ATP8A2: variants seen among roughly 807,000 people sequenced by gnomAD.
The protein encoded by ATP8A2 is phospholipid-transporting ATPase IB.
Under a neutral mutation model 165.6 loss-of-function variants are expected in ATP8A2, and 100 were observed. The ratio of observed to expected loss-of-function variants is 0.60; its 90% CI spans 0.51 to 0.71. The LOEUF (loss-of-function observed/expected upper bound fraction) is 0.71. ATP8A2 is among the 30% of genes least tolerant of loss of function. The pLI, the probability that ATP8A2 is intolerant of heterozygous loss-of-function variation, is 0.00. For synonymous variants in ATP8A2, 543 were observed against 548.8 expected, an observed-to-expected ratio of 0.99 and a Z score of 0.15; for missense variants, 1,227 against 1,479.5, an observed-to-expected ratio of 0.83 and a Z score of 2.80.
At chr13:25,752,978 G>A (rs139603461) in intron 25 of ATP8A2, among the ~76,000 whole-genome samples, 101 of 152,224 alleles carry the variant, frequency 6.6e-4, no homozygotes, top group African/African-American at 2.3e-3. Context: ...TTATAAATAG[G>A]TCATCTCTCC....
chr13:25,642,877 G>A (rs1291130831), intron 24 of ATP8A2, among the ~76,000 whole-genome samples: 4 of 152,190 alleles, frequency 2.6e-5, no homozygotes, highest in Non-Finnish European at 4.4e-5. Context: ...GGAATACTAT[G>A]CAGCCATAAA....
At chr13:25,713,918 C>T (rs2043203397) in intron 25 of ATP8A2, among the ~76,000 whole-genome samples, 1 of 152,114 alleles carries the variant, frequency 6.6e-6, no homozygotes, top group African/African-American at 2.4e-5. Context: ...ATTACGTAGA[C>T]TGTACAGTTA....
In ATP8A2 at chr13:26,022,078, T is replaced by C. The variant is rs1957089451; in HGVS notation, c.*2093T>C. ...TCTCCCCAAGGTGCATAGAACATTT[T>C]TAAATATCAGAGTACCCAGCAAGAC... On this transcript the variant is annotated 3_prime_UTR_variant, in exon 37 of 37. Transcript: ENST00000381655. 6.6e-6 allele frequency: 1 copy of C among 152,170 alleles called. No individual in the cohort carries two copies. The highest frequency in any genetic ancestry group is 2.1e-4 in the South Asian group (1 of 4,816). 9.4% of individuals were successfully genotyped at this position (152,170 alleles called of 1,614,324 possible).
At chr13:25,978,939 CAAA>C (rs534172122) in intron 35 of ATP8A2, among the ~76,000 whole-genome samples, 1 of 142,714 alleles carries the variant, frequency 7.0e-6, no homozygotes, top group African/African-American at 2.6e-5. Context: ...GACTACGGCT[CAAA>C]AAAAAAAGCC....
intron 33 of ATP8A2, among the ~76,000 whole-genome samples, chr13:25,928,878 C>T (rs977916099): frequency 2.6e-5 from 4 of 152,210 alleles, no homozygotes; most frequent in South Asian, 2.1e-4. Context: ...AAATCGGAAA[C>T]GTTCTGAGAC....
chr13:25,803,820 G>A (rs1950671996), intron 27 of ATP8A2, among the ~76,000 whole-genome samples: 1 of 152,218 alleles, frequency 6.6e-6, no homozygotes, highest in African/African-American at 2.4e-5. Context: ...TTAGTACTAT[G>A]GTTTTCGGAA....
At chr13:25,591,330 C>T (rs2040071216) in intron 24 of ATP8A2, 2 of 456,668 alleles carry the variant, frequency 4.4e-6, no homozygotes, top group Non-Finnish European at 8.8e-6. Context: ...CTACCTCATC[C>T]CCTGGCAGTC....
At chr13:25,554,523 GT>G (rs2038919178) in intron 12 of ATP8A2, among the ~76,000 whole-genome samples, 7 of 115,162 alleles carry the variant, frequency 6.1e-5, no homozygotes, top group Non-Finnish European at 1.1e-4. Context: ...GTGTGTGTGT[GT>G]GTGTATGTGT....
chr13:25,860,306 C>G, intron 31 of ATP8A2, 50 bp downstream of exon 31: 1 of 1,218,500 alleles, frequency 8.2e-7, no homozygotes, highest in Non-Finnish European at 1.2e-6. Flanking sequence ...TTATGTGTGG[C>G]TTGCACTTCT....
chr13:25,558,514 A>T (rs563123325), intron 13 of ATP8A2, among the ~76,000 whole-genome samples: 4 of 152,324 alleles, frequency 2.6e-5, no homozygotes, highest in Admixed American at 1.3e-4. Flanking sequence ...TACAACAGTA[A>T]AACACTGCTT....
chr13:25,895,197 G>T (rs1593520036), intron 33 of ATP8A2, among the ~76,000 whole-genome samples: 1 of 152,142 alleles, frequency 6.6e-6, no homozygotes, highest in Admixed American at 6.5e-5. Context: ...TTATTATTTT[G>T]AGATATGTCC....
Position 25,699,222 on chromosome 13 carries a change from T to C in ATP8A2, c.2261T>C (p.Leu754Pro). The change falls in exon 25 of 37, where the codon CTG becomes CCG. Residue 754 changes from leucine (L) to proline (P), a missense_variant. Leu to Pro is a moderately conservative substitution (Grantham distance 98, BLOSUM62 -3). Coordinates refer to ENST00000381655, the MANE Select transcript of ATP8A2 (RefSeq NM_016529.6). ...TQHCTDLGNL[L>P]GKENDVALII... Reference sequence around the variant, plus strand: ...CACTGCACTGACCTTGGGAATTTGCTGGGCAAGGAAAATGACGTGGCCCTG... The same window carrying C: ...CACTGCACTGACCTTGGGAATTTGCCGGGCAAGGAAAATGACGTGGCCCTG... The C allele has an allele frequency of 2.5e-6, 4 of 1,613,072 alleles. No homozygotes were observed. The highest frequency in any genetic ancestry group is 1.1e-5 in the South Asian group (1 of 90,752).
chr13:25,627,994 A>C (rs1385549957), intron 24 of ATP8A2, among the ~76,000 whole-genome samples: 1 of 152,198 alleles, frequency 6.6e-6, no homozygotes, highest in Non-Finnish European at 1.5e-5. Flanking sequence ...GGCTGACATA[A>C]AGAAGCCATG....
intron 19 of ATP8A2, among the ~76,000 whole-genome samples, chr13:25,576,492 G>A (rs1372013034): frequency 1.3e-5 from 2 of 152,126 alleles, no homozygotes; most frequent in Non-Finnish European, 2.9e-5. Flanking sequence ...ATAGGCGGTG[G>A]AGACTCACTG....
chr13:25,380,611 T>C (rs533164108), intron 1 of ATP8A2, among the ~76,000 whole-genome samples: 112 of 152,334 alleles, frequency 7.4e-4, no homozygotes, highest in African/African-American at 2.5e-3. Context: ...CTCTTTGTAC[T>C]TTTTTAGTGC....
chr13:25,849,318 C>T (rs927562450), intron 30 of ATP8A2, among the ~76,000 whole-genome samples: 1 of 152,172 alleles, frequency 6.6e-6, no homozygotes, highest in Non-Finnish European at 1.5e-5. Context: ...GATTGTTAAA[C>T]GCCGTCTCTT....
chr13:25,755,945 G>A (rs552771268), intron 25 of ATP8A2, among the ~76,000 whole-genome samples: 1 of 152,250 alleles, frequency 6.6e-6, no homozygotes, highest in Non-Finnish European at 1.5e-5. Context: ...CATAGACAGT[G>A]GACTTGAAGG....
intron 1 of ATP8A2, among the ~76,000 whole-genome samples, chr13:25,398,087 T>C (rs2033491805): frequency 6.6e-6 from 1 of 152,182 alleles, no homozygotes; most frequent in South Asian, 2.1e-4. Context: ...AGTTAATCTC[T>C]TGGATCAGGA....
intron 27 of ATP8A2, among the ~76,000 whole-genome samples, chr13:25,821,143 CAT>C (rs1406358659): frequency 3.3e-5 from 5 of 152,200 alleles, no homozygotes; most frequent in Admixed American, 6.5e-5. Flanking sequence ...TTTGAAGAAA[CAT>C]GTGGCCAATC....
Sources: allele counts gnomAD v4.1 joint callset (sites outside exome capture counted in the v4.1 genomes callset), GRCh38; gene constraint gnomAD v4.1.1; transcripts MANE v1.5; gene names NCBI Gene and HGNC (gene_info 2026-07-23, HGNC 2026-07-21).